MCTP1: variants seen among roughly 807,000 people sequenced by gnomAD.
MCTP1 encodes the protein multiple C2 and transmembrane domain-containing protein 1.
A neutral mutation model predicts 120.6 loss-of-function variants in MCTP1; 69 were observed. The ratio of observed to expected loss-of-function variants is 0.57; its 90% CI spans 0.47 to 0.70. The LOEUF (loss-of-function observed/expected upper bound fraction) is 0.70. Among genes scored for constraint, MCTP1 ranks in the 30% least tolerant of loss-of-function variants. MCTP1 has a pLI of 0.00. For synonymous variants in MCTP1, 529 were observed against 493.1 expected, an observed-to-expected ratio of 1.07 and a Z score of -0.96; for missense variants, 1,203 against 1,248.8, an observed-to-expected ratio of 0.96 and a Z score of 0.55.
chr5:95,234,901 C>A (rs1755368590), intron 1 of MCTP1, among the ~76,000 whole-genome samples: 1 of 152,074 alleles, frequency 6.6e-6, no homozygotes, highest in South Asian at 2.1e-4. Context: ...GTAAACTCTA[C>A]CAACATTAAA....
At chr5:94,871,787 C>T (rs1178033192) in intron 13 of MCTP1, among the ~76,000 whole-genome samples, 1 of 152,042 alleles carries the variant, frequency 6.6e-6, no homozygotes, top group African/African-American at 2.4e-5. Context: ...TTCCCATTAT[C>T]CCTACATAAA....
chr5:95,104,846 T>G (rs2152378501), intron 1 of MCTP1, among the ~76,000 whole-genome samples: 1 of 152,324 alleles, frequency 6.6e-6, no homozygotes, highest in Admixed American at 6.5e-5. Flanking sequence ...GACCCTTCCT[T>G]ACTTTTCTAA....
chr5:95,116,420 G>C (rs1379966936), intron 1 of MCTP1, among the ~76,000 whole-genome samples: 2 of 152,170 alleles, frequency 1.3e-5, no homozygotes, highest in Non-Finnish European at 2.9e-5. Context: ...GTACCATGCT[G>C]TTCTGGTTAC....
intron 17 of MCTP1, among the ~76,000 whole-genome samples, chr5:94,854,336 T>C (rs1300583162): frequency 2.0e-5 from 3 of 151,838 alleles, no homozygotes; most frequent in East Asian, 3.9e-4. Flanking sequence ...TGAATGTTCT[T>C]GGAAATATTC....
intron 10 of MCTP1, 52 bp from the exon 11 acceptor site, chr5:94,894,887 T>C (rs955452439): frequency 8.6e-6 from 9 of 1,043,826 alleles, no homozygotes; most frequent in Non-Finnish European, 1.2e-5. Context: ...TTTTTTGCCA[T>C]ATCAAACAGC....
rs769149030 is a variant in MCTP1 at position 94,870,865 on chromosome 5, G to C, written c.2241+7C>G. 3.1e-6 allele frequency: 5 copies of C among 1,593,502 alleles called. 1 individual carries two copies. In the South Asian group the frequency reaches 5.5e-5, roughly 18 times the overall value. On this transcript the variant is annotated splice_region_variant and intron_variant, in intron 15 of 22. Coordinates refer to ENST00000515393, the MANE Select transcript of MCTP1 (RefSeq NM_024717.7). Reference sequence around the variant, plus strand: ...AGCAGTACAAAAAAGCCAAAGTTAAGACTTACAGCATTAAAAATCACATCT... The same window carrying C: ...AGCAGTACAAAAAAGCCAAAGTTAACACTTACAGCATTAAAAATCACATCT...
At chr5:95,271,817 T>C (rs112450217) in intron 1 of MCTP1, among the ~76,000 whole-genome samples, 1 of 151,616 alleles carries the variant, frequency 6.6e-6, no homozygotes, top group Admixed American at 6.6e-5. Flanking sequence ...TAGATAGATA[T>C]AAAATATTTT....
intron 1 of MCTP1, among the ~76,000 whole-genome samples, chr5:95,176,903 C>A (rs1001131386): frequency 1.3e-5 from 2 of 151,362 alleles, no homozygotes; most frequent in Non-Finnish European, 2.9e-5. Context: ...CTTGCTCTGT[C>A]GCCCAGGCTA....
chr5:95,216,038 A>C (rs543218409), intron 1 of MCTP1, among the ~76,000 whole-genome samples: 1 of 152,332 alleles, frequency 6.6e-6, no homozygotes, highest in African/African-American at 2.4e-5. Flanking sequence ...TATTTGAAAA[A>C]CTAAAATTTA....
At chr5:94,783,545 G>T (rs939283584) in intron 18 of MCTP1, among the ~76,000 whole-genome samples, 26 of 151,938 alleles carry the variant, frequency 1.7e-4, no homozygotes, top group African/African-American at 6.0e-4. Context: ...TATTCTCCCG[G>T]AACAAAAATG....
chr5:95,008,887 G>T (rs963997550), intron 2 of MCTP1, among the ~76,000 whole-genome samples: 1 of 152,018 alleles, frequency 6.6e-6, no homozygotes. Flanking sequence ...TCTCCCAGAT[G>T]GGCACAGTGG....
intron 17 of MCTP1, among the ~76,000 whole-genome samples, chr5:94,834,812 CTTTTTTTTT>C (rs141103769): frequency 1.1e-5 from 1 of 88,630 alleles, no homozygotes; most frequent in Non-Finnish European, 2.3e-5. Context: ...AACATTCTCT[CTTTTTTTTT>C]TTTTTTTTTT....
At chr5:94,953,447 TA>T (rs1333025787) in intron 2 of MCTP1, 86 bp from the exon 3 acceptor site, 7 of 1,090,932 alleles carry the variant, frequency 6.4e-6, no homozygotes, top group Non-Finnish European at 8.7e-6. Context: ...AAAAAGTATT[TA>T]AAGGAAGAAA....
At chr5:95,086,038 G>GT (rs1755418815) in intron 1 of MCTP1, among the ~76,000 whole-genome samples, 1 of 151,570 alleles carries the variant, frequency 6.6e-6, no homozygotes, top group African/African-American at 2.4e-5. Context: ...GTCCTTTGCT[G>GT]TTTTTTATTT....
At chr5:94,813,134 A>AC (rs1171378833) in intron 17 of MCTP1, among the ~76,000 whole-genome samples, 1 of 152,194 alleles carries the variant, frequency 6.6e-6, no homozygotes, top group African/African-American at 2.4e-5. Flanking sequence ...GAAGACAAAA[A>AC]CCCCGTTTAA....
chr5:94,939,937 A>C, intron 5 of MCTP1, 147 bp downstream of exon 5: 3 of 462,882 alleles, frequency 6.5e-6, no homozygotes, highest in Non-Finnish European at 1.2e-5. Context: ...AGTAAGCATG[A>C]ATGAGCAATA....
Position 95,172,590 on chromosome 5 carries a change from A to ATTT in MCTP1, c.720+111263_720+111265dup, listed in dbSNP as rs61349080. Among the ~76,000 whole-genome samples the ATTT allele has an allele frequency of 6.7e-3, 1,005 of 150,532 alleles. 6 individuals are homozygous for ATTT. The highest frequency in any genetic ancestry group is 0.011 in the Non-Finnish European group (772 of 67,536). Reference sequence around the variant, plus strand: ...ATTATTACTTTCTTCATATCAAACTATTTTTTTTTTGGTGCCTGTATGATG... The same window carrying ATTT: ...ATTATTACTTTCTTCATATCAAACTATTTTTTTTTTTTTGGTGCCTGTATGATG... On this transcript the variant is annotated intron_variant, in intron 1 of 22. Transcript: ENST00000515393.
chr5:95,083,975 A>G (rs1319602180), intron 1 of MCTP1, among the ~76,000 whole-genome samples: 1 of 152,196 alleles, frequency 6.6e-6, no homozygotes, highest in African/African-American at 2.4e-5. Flanking sequence ...AAAGATGTTA[A>G]GCAGAAATAA....
intron 1 of MCTP1, among the ~76,000 whole-genome samples, chr5:95,049,968 C>T (rs1206614246): frequency 6.6e-6 from 1 of 151,968 alleles, no homozygotes; most frequent in Non-Finnish European, 1.5e-5. Context: ...TCACTGTTAT[C>T]TCTTTAGGCC....
Sources: gnomAD v4.1 joint callset for allele counts (sites outside exome capture counted in the v4.1 genomes callset) on GRCh38, gnomAD v4.1.1 for gene constraint, MANE v1.5 for transcripts, NCBI Gene and HGNC (gene_info 2026-07-23, HGNC 2026-07-21) for gene names.